The following SLC6A9 variants were observed in gnomAD, a reference collection of about 807,000 sequenced individuals.
SLC6A9 encodes sodium- and chloride-dependent glycine transporter 1.
In SLC6A9, 31 loss-of-function variants were observed where a neutral mutation model predicts 70.9. That is an observed-to-expected ratio of 0.44 (90% CI 0.33 to 0.59). The LOEUF is 0.59. Ranked by LOEUF, SLC6A9 falls within the 20% of genes least tolerant of loss-of-function variation. The probability of loss-of-function intolerance (pLI) is 0.04; values close to 1 mark genes in which losing one functional copy is unlikely to be tolerated. For missense variants in SLC6A9, 631 were observed against 845.2 expected (o/e 0.75, Z 3.14); for synonymous variants, 310 against 341.3 (o/e 0.91, Z 1.01).
Position 44,011,565 on chromosome 1 carries a change from G to C in SLC6A9, c.31-683C>G, listed in dbSNP as rs750093782. On this transcript the variant is annotated intron_variant, in intron 2 of 13. Coordinates refer to ENST00000372310, the MANE Select transcript of SLC6A9 (RefSeq NM_001024845.3). The stretch of plus-strand genomic sequence containing the variant: ...GAGGGGCCCTGGGGAGCTGACCTGG[G>C]CCATGGCTAGGGAGTGCTGGGCCAT... 6.2e-6 allele frequency: 10 copies of C among 1,613,734 alleles called. No homozygotes were observed. Among genetic ancestry groups the C allele is most frequent in the Non-Finnish European group, 7.6e-6 (9 of 1,179,822 alleles).
intron 2 of SLC6A9, among the ~76,000 whole-genome samples, chr1:44,020,048 G>A (rs1289725184): frequency 2.6e-5 from 4 of 152,224 alleles, no homozygotes; most frequent in Non-Finnish European, 5.9e-5. Flanking sequence ...CCATTTCACG[G>A]AGGATGGGGT....
chr1:44,005,819 G>A (rs78025559), intron 5 of SLC6A9, among the ~76,000 whole-genome samples: 4,375 of 152,330 alleles, frequency 0.029, 141 homozygotes, highest in African/African-American at 0.082. Context: ...CCATTTCCCT[G>A]GATCTCCAGG....
At chr1:44,004,866 A>G (rs1277074585) in intron 5 of SLC6A9, among the ~76,000 whole-genome samples, 1 of 152,216 alleles carries the variant, frequency 6.6e-6, no homozygotes, top group African/African-American at 2.4e-5. Context: ...GACACATGAC[A>G]TCTCCAGAAT....
intron 12 of SLC6A9, among the ~76,000 whole-genome samples, chr1:43,999,004 C>T (rs965657567): frequency 7.9e-5 from 12 of 151,502 alleles, no homozygotes; most frequent in Admixed American, 4.6e-4. Context: ...GTCCCAGCAC[C>T]CTCCTCCTGA....
chr1:44,024,707 G>A (rs555221523), intron 1 of SLC6A9, among the ~76,000 whole-genome samples: 1 of 152,350 alleles, frequency 6.6e-6, no homozygotes, highest in East Asian at 1.9e-4. Context: ...TCCCCAGGAG[G>A]GGAATCAGCT....
In SLC6A9 at chr1:44,002,474, C is replaced by T. The variant is rs2086151662; in HGVS notation, c.858+38G>A. On this transcript the variant is annotated intron_variant, in intron 7 of 13. Coordinates refer to ENST00000372310, the MANE Select transcript of SLC6A9 (RefSeq NM_001024845.3). This position sits in a 1 kb window ranked among gnomAD's most constrained non-coding sequence, Gnocchi z 5.5. ...GGGCAGAGGCAGGCACCTCCCTGGC[C>T]CCTCCCCAGCCCCCTTCCGGTTTCC... 1 of 1,613,608 alleles carries T rather than the reference C, an allele frequency of 6.2e-7. No homozygotes were observed. Among genetic ancestry groups the T allele is most frequent in the Non-Finnish European group, 8.5e-7 (1 of 1,179,714 alleles).
At chr1:44,022,722 C>CTTTTTTTTTTTTTTTTT (rs71307650) in intron 2 of SLC6A9, among the ~76,000 whole-genome samples, 11 of 118,946 alleles carry the variant, frequency 9.2e-5, no homozygotes, top group Admixed American at 1.9e-4. Flanking sequence ...TTCTTTCTTT[C>CTTTTTTTTTTTTTTTTT]TTTTTTTTTT....
chr1:44,022,709 TCTTTC>T lies in SLC6A9; in HGVS notation c.30+1534_30+1538del, dbSNP rs1557695150. Among the ~76,000 whole-genome samples, 106 of 120,904 alleles carry T rather than the reference TCTTTC, an allele frequency of 8.8e-4. 12 individuals carry two copies. The highest frequency in any genetic ancestry group is 2.2e-3 in the African/African-American group (74 of 33,380). 79.3% of individuals were successfully genotyped at this position (120,904 alleles called of 152,430 possible). ...TGCTGTTTTTTAATTTTTCTTTCTT[TCTTTC>T]TTTCTTTCTTTTTTTTTTTTTTGAG... On this transcript the variant is annotated intron_variant, in intron 2 of 13. Transcript: ENST00000372310.
In SLC6A9 at chr1:44,014,959, A is replaced by C. The variant is rs141935824; in HGVS notation, c.31-4077T>G. Reference sequence around the variant, plus strand: ...CTTTCAATCGATCTGCCAGATTCCCAGGCTAGATAGCCTCTGTAGCTACTC... The same window carrying C: ...CTTTCAATCGATCTGCCAGATTCCCCGGCTAGATAGCCTCTGTAGCTACTC... On this transcript the variant is annotated intron_variant, in intron 2 of 13. Transcript: ENST00000372310. 1.6e-3 allele frequency: 245 copies of C among 152,244 alleles called. 1 individual carries two copies. Among genetic ancestry groups the C allele is most frequent in the African/African-American group, 5.4e-3 (226 of 41,534 alleles). 9.4% of individuals were successfully genotyped at this position (152,244 alleles called of 1,614,324 possible).
At chr1:44,028,113 G>A (rs2087015646) in intron 1 of SLC6A9, among the ~76,000 whole-genome samples, 1 of 152,204 alleles carries the variant, frequency 6.6e-6, no homozygotes, top group Non-Finnish European at 1.5e-5. Flanking sequence ...TGATGTTTAA[G>A]GGTCTAAAGA....
chr1:44,001,102 C>T, intron 10 of SLC6A9, 47 bp from the exon 11 acceptor site: 1 of 1,611,420 alleles, frequency 6.2e-7, no homozygotes, highest in Non-Finnish European at 8.5e-7. Flanking sequence ...GCCCGGGCTC[C>T]CCAACCCTTC....
chr1:44,009,627 C>G (rs2086472424), intron 4 of SLC6A9, among the ~76,000 whole-genome samples: 1 of 152,376 alleles, frequency 6.6e-6, no homozygotes, highest in Non-Finnish European at 1.5e-5. Context: ...GCGTGAGCCA[C>G]TGTGCCTGGC....
At chr1:44,017,047 C>T (rs2086770665) in intron 2 of SLC6A9, 1 of 1,586,326 alleles carries the variant, frequency 6.3e-7, no homozygotes, top group East Asian at 2.4e-5. Flanking sequence ...GGTGACTGAC[C>T]TGTTCTGGGG....
intron 1 of SLC6A9, among the ~76,000 whole-genome samples, chr1:44,024,876 C>T (rs779292106): frequency 2.0e-4 from 30 of 152,320 alleles, no homozygotes; most frequent in Non-Finnish European, 4.1e-4. Flanking sequence ...CATGTGCAGC[C>T]GCACCTCCTT....
Position 43,997,865 on chromosome 1 carries a change from G to A in SLC6A9, c.1697C>T (p.Thr566Ile). 1 of 1,609,408 alleles carries A rather than the reference G, an allele frequency of 6.2e-7. No individual in the cohort carries two copies. Among genetic ancestry groups the A allele is most frequent in the Non-Finnish European group, 8.5e-7 (1 of 1,176,956 alleles). The change falls in exon 13 of 14, where the codon ACC becomes ATC. Residue 566 changes from threonine (T) to isoleucine (I), a missense_variant. Transcript: ENST00000372310. This position sits in a 1 kb window ranked among gnomAD's most constrained non-coding sequence, Gnocchi z 4.4. ...MFRLCRTDGD[T>I]LLQRLKNATK... ...TGTCCCTGCCCTCACCTGGAGGAGG[G>A]TGTCCCCGTCTGTGCGGCAGAGCCG...
intron 2 of SLC6A9, among the ~76,000 whole-genome samples, chr1:44,020,579 G>A (rs189747348): frequency 7.2e-5 from 11 of 152,330 alleles, no homozygotes; most frequent in Admixed American, 3.3e-4. Flanking sequence ...CTAAGACTTC[G>A]GTTAGGTGAG....
chr1:44,010,709 C>A lies in SLC6A9; in HGVS notation c.187+17G>T. On this transcript the variant is annotated intron_variant, in intron 3 of 13. Transcript: ENST00000372310. Reference sequence around the variant, plus strand: ...TCTACCCAAGTGGGTGGTCCCTGCCCTGTGCCCACTGGGTACCTCCCCCGT... The same window carrying A: ...TCTACCCAAGTGGGTGGTCCCTGCCATGTGCCCACTGGGTACCTCCCCCGT... 6.2e-7 allele frequency: 1 copy of A among 1,613,228 alleles called. No homozygotes were observed. The highest frequency in any genetic ancestry group is 8.5e-7 in the Non-Finnish European group (1 of 1,179,346).
chr1:44,021,399 G>A (rs2086881677), intron 2 of SLC6A9, among the ~76,000 whole-genome samples: 1 of 152,218 alleles, frequency 6.6e-6, no homozygotes, highest in Admixed American at 6.5e-5. Flanking sequence ...AGGCATGTGG[G>A]CCTGGGCACG....
chr1:44,030,847 G>A (rs927760687), intron 1 of SLC6A9, among the ~76,000 whole-genome samples: 2 of 152,114 alleles, frequency 1.3e-5, no homozygotes, highest in Non-Finnish European at 2.9e-5. Flanking sequence ...CCGCACGCTG[G>A]GTGCAGGCAC....
Sources: gnomAD v4.1 joint callset for allele counts (sites outside exome capture counted in the v4.1 genomes callset) on GRCh38, gnomAD v4.1.1 for gene constraint, Gnocchi (gnomAD v3.1) non-coding constraint, MANE v1.5 for transcripts, NCBI Gene and HGNC (gene_info 2026-07-23, HGNC 2026-07-21) for gene names.